PAICS: variants seen among roughly 807,000 people sequenced by gnomAD.
The protein encoded by PAICS is bifunctional phosphoribosylaminoimidazole carboxylase/phosphoribosylaminoimidazole succinocarboxamide synthetase.
Under a neutral mutation model 53.7 loss-of-function variants are expected in PAICS, and 33 were observed. The observed-to-expected ratio is 0.61, with a 90% CI of 0.47 to 0.82. PAICS has a LOEUF of 0.82. PAICS is among the 40% of genes least tolerant of loss of function. The probability of loss-of-function intolerance (pLI) is 0.00; values close to 1 mark genes in which losing one functional copy is unlikely to be tolerated. For synonymous variants in PAICS, 141 were observed against 167.2 expected (o/e 0.84, Z 1.21); for missense variants, 394 against 494.1 (o/e 0.80, Z 1.92).
chr4:56,454,970 C>T (rs1187895287), intron 8 of PAICS, among the ~76,000 whole-genome samples: 1 of 152,010 alleles, frequency 6.6e-6, no homozygotes, highest in African/African-American at 2.4e-5. Context: ...CCTGCCTGGC[C>T]AATATGGTGA....
intron 8 of PAICS, among the ~76,000 whole-genome samples, chr4:56,458,494 C>T (rs556193079): frequency 1.3e-5 from 2 of 152,272 alleles, no homozygotes; most frequent in East Asian, 3.9e-4. Flanking sequence ...CATCAGGTAG[C>T]TACTAGTTAA....
At chr4:56,435,577 G>C (rs1036360927), upstream of PAICS, 4 of 1,583,940 alleles carry the variant, frequency 2.5e-6, no homozygotes, top group African/African-American at 1.3e-5. Context: ...GCTCGCGCTC[G>C]CGACAGGCTC....
the PAICS span, among the ~76,000 whole-genome samples, chr4:56,414,908 C>T: frequency 6.6e-6 from 1 of 152,124 alleles, no homozygotes; most frequent in Non-Finnish European, 1.5e-5. Flanking sequence ...AATTATAAAA[C>T]CTGATTTAAA....
intron 8 of PAICS, among the ~76,000 whole-genome samples, chr4:56,456,604 T>C (rs1165039467): frequency 6.6e-6 from 1 of 151,952 alleles, no homozygotes; most frequent in Non-Finnish European, 1.5e-5. Flanking sequence ...AGATGGGCAC[T>C]CCGTATGTTG....
At chr4:56,439,054 C>T (rs1020535276) in intron 1 of PAICS, among the ~76,000 whole-genome samples, 1 of 152,058 alleles carries the variant, frequency 6.6e-6, no homozygotes, top group Non-Finnish European at 1.5e-5. Context: ...GGGTATGTCA[C>T]GTATGGTTGT....
the PAICS span, among the ~76,000 whole-genome samples, chr4:56,417,380 G>C: frequency 6.6e-6 from 1 of 151,874 alleles, no homozygotes; most frequent in South Asian, 2.1e-4. Context: ...TTTTTTTAAT[G>C]ACTTAAAACT....
intron 2 of PAICS, among the ~76,000 whole-genome samples, chr4:56,444,037 C>T (rs1718466842): frequency 6.6e-6 from 1 of 151,726 alleles, no homozygotes; most frequent in South Asian, 2.1e-4. Context: ...TCCATTAAAC[C>T]TTATGTAATT....
intron 8 of PAICS, among the ~76,000 whole-genome samples, chr4:56,458,594 G>A (rs572645450): frequency 2.0e-5 from 3 of 152,272 alleles, no homozygotes; most frequent in South Asian, 2.1e-4. Flanking sequence ...ATAAAATAAC[G>A]TATTAATACA....
rs755014046 is a variant in PAICS at position 56,448,613 on chromosome 4, G to A, written c.573+16G>A. On this transcript the variant is annotated intron_variant, in intron 4 of 8. Coordinates refer to ENST00000512576, the MANE Select transcript of PAICS (RefSeq NM_001079524.2). ...TGATATGAAGGTACAGATAAAACAA[G>A]TACAGATAAAACAACAGGATTTGAA... 52 of 1,554,798 alleles carry A rather than the reference G, an allele frequency of 3.3e-5. 1 individual carries two copies. The South Asian group carries it at 5.6e-4, about 17-fold the overall frequency.
At chr4:56,434,726 G>C (rs527505353), upstream of PAICS, among the ~76,000 whole-genome samples, 9 of 152,024 alleles carry the variant, frequency 5.9e-5, no homozygotes, top group African/African-American at 1.9e-4. Flanking sequence ...CCTATGGTTG[G>C]CTTATTTCCA....
At chr4:56,420,337 ATAATTTTCCACATG>A in the PAICS span, 1 of 152,234 alleles carries the variant, frequency 6.6e-6, no homozygotes, top group South Asian at 2.1e-4. Context: ...GGTCAAGTGT[ATAATTTTCCACATG>A]TAGCATCATG....
the PAICS span, among the ~76,000 whole-genome samples, chr4:56,423,629 T>G: frequency 6.6e-6 from 1 of 151,612 alleles, no homozygotes; most frequent in African/African-American, 2.4e-5. Flanking sequence ...TTTTTACATG[T>G]AGAAGAAAAA....
chr4:56,424,375 C>A, the PAICS span, among the ~76,000 whole-genome samples: 3 of 152,172 alleles, frequency 2.0e-5, no homozygotes, highest in African/African-American at 7.2e-5. Flanking sequence ...ATAGCCAGCA[C>A]TGGAAACCGT....
chr4:56,436,533 A>T (rs1480199124), intron 1 of PAICS: 1 of 711,154 alleles, frequency 1.4e-6, no homozygotes, highest in South Asian at 1.5e-5. Flanking sequence ...AAAGTAGAGG[A>T]GAACGAGAAA....
chr4:56,436,058 G>T, upstream of PAICS: 1 of 1,500,370 alleles, frequency 6.7e-7, no homozygotes, highest in Non-Finnish European at 8.9e-7. Context: ...AGCGCGGGGC[G>T]GCCCGGAGGC....
Position 56,444,181 on chromosome 4 carries a change from T to A in PAICS, c.214+2321T>A, listed in dbSNP as rs116763872. On this transcript the variant is annotated intron_variant, in intron 2 of 8. Transcript: ENST00000512576. ...AGAGGAAAGAGCATTGGAATGAGAA[T>A]CAGAAAATCAGGATTCTACTTTTCT... Among the ~76,000 whole-genome samples, 352 of 152,254 alleles carry A rather than the reference T, an allele frequency of 2.3e-3. 4 individuals are homozygous for A. Among genetic ancestry groups the A allele is most frequent in the African/African-American group, 8.3e-3 (344 of 41,554 alleles).
chr4:56,435,993 G>A, upstream of PAICS: 1 of 1,528,002 alleles, frequency 6.5e-7, no homozygotes, highest in Non-Finnish European at 8.8e-7. Context: ...AGCTTCCGCA[G>A]AGTGGGGAGG....
upstream of PAICS, chr4:56,435,509 C>A (rs749612783): frequency 1.1e-5 from 18 of 1,612,414 alleles, no homozygotes; most frequent in Admixed American, 2.8e-4. Flanking sequence ...AAGGACCTGC[C>A]GCTGCGGCCA....
chr4:56,422,627 G>C, the PAICS span: 1 of 152,004 alleles, frequency 6.6e-6, no homozygotes, highest in African/African-American at 2.4e-5. Context: ...GATGTATTTG[G>C]AGACAGGGCC....
Sources: gnomAD v4.1 joint callset for allele counts (sites outside exome capture counted in the v4.1 genomes callset) on GRCh38, gnomAD v4.1.1 for gene constraint, MANE v1.5 for transcripts, NCBI Gene and HGNC (gene_info 2026-07-23, HGNC 2026-07-21) for gene names.